CMSS1: variants seen among roughly 807,000 people sequenced by gnomAD.
The protein encoded by CMSS1 is cms1 ribosomal small subunit homolog.
CMSS1 carries 33 observed loss-of-function variants against 43.5 expected under a neutral mutation model. That is an observed-to-expected ratio of 0.76 (90% CI 0.57 to 1.01). The LOEUF is 1.01. Among genes scored for constraint, CMSS1 ranks in the 50% least tolerant of loss-of-function variants. The pLI, the probability that CMSS1 is intolerant of heterozygous loss-of-function variation, is 0.00. For missense variants in CMSS1, 313 were observed against 326.4 expected, an observed-to-expected ratio of 0.96 and a Z score of 0.32; for synonymous variants, 115 against 117.2, an observed-to-expected ratio of 0.98 and a Z score of 0.12.
At chr3:99,985,733 C>T (rs1461739416) in intron 1 of CMSS1, among the ~76,000 whole-genome samples, 1 of 152,004 alleles carries the variant, frequency 6.6e-6, no homozygotes, top group Non-Finnish European at 1.5e-5. Context: ...GGATTACAGG[C>T]ACCTGCTACC....
intron 1 of CMSS1, chr3:99,851,030 C>T (rs1210087446): frequency 6.2e-7 from 1 of 1,605,916 alleles, no homozygotes; most frequent in Non-Finnish European, 8.5e-7. Context: ...TGCTCCTTCT[C>T]CTCCTGAGAC....
chr3:99,872,377 T>C (rs1411860045), intron 1 of CMSS1, among the ~76,000 whole-genome samples: 3 of 151,144 alleles, frequency 2.0e-5, no homozygotes, highest in African/African-American at 7.3e-5. Context: ...CTTATCAAGG[T>C]ACTTCTCAAA....
intron 1 of CMSS1, among the ~76,000 whole-genome samples, chr3:99,945,521 G>A (rs1053289868): frequency 6.6e-6 from 1 of 152,180 alleles, no homozygotes; most frequent in African/African-American, 2.4e-5. Context: ...ATAAATGGAT[G>A]TCAGAAGCTT....
intron 1 of CMSS1, among the ~76,000 whole-genome samples, chr3:100,122,474 A>G (rs1044921116): frequency 6.6e-6 from 1 of 152,218 alleles, no homozygotes; most frequent in Non-Finnish European, 1.5e-5. Context: ...GCCACATGGC[A>G]AAGTGACAAG....
intron 1 of CMSS1, among the ~76,000 whole-genome samples, chr3:100,048,892 T>C (rs947760452): frequency 5.4e-4 from 83 of 152,360 alleles, no homozygotes; most frequent in African/African-American, 1.9e-3. Flanking sequence ...CTAGACTGAT[T>C]GCTTAAATAT....
At chr3:99,983,771 T>C (rs1709245261) in intron 1 of CMSS1, among the ~76,000 whole-genome samples, 1 of 150,646 alleles carries the variant, frequency 6.6e-6, no homozygotes. Context: ...CAATATTCCA[T>C]GTAACTCTAC....
At chr3:100,159,047 A>G (rs1032954393) in intron 2 of CMSS1, among the ~76,000 whole-genome samples, 1 of 151,964 alleles carries the variant, frequency 6.6e-6, no homozygotes. Flanking sequence ...TTGTAATTGG[A>G]CTCTTATGGC....
chr3:100,088,860 CT>C (rs972098130), intron 1 of CMSS1, among the ~76,000 whole-genome samples: 2 of 151,766 alleles, frequency 1.3e-5, no homozygotes, highest in Admixed American at 6.6e-5. Context: ...ATTTAGTGAG[CT>C]TTTTTTTCCT....
At chr3:100,024,900 C>T (rs2064890928) in intron 1 of CMSS1, among the ~76,000 whole-genome samples, 2 of 152,250 alleles carry the variant, frequency 1.3e-5, no homozygotes, top group Non-Finnish European at 2.9e-5. Context: ...TATCAGGGCA[C>T]CAGAGCAGGA....
chr3:100,124,929 C>T (rs2066651782), intron 1 of CMSS1, among the ~76,000 whole-genome samples: 1 of 152,078 alleles, frequency 6.6e-6, no homozygotes, highest in Non-Finnish European at 1.5e-5. Flanking sequence ...TCATCCCCAC[C>T]AGCCATTCCT....
Position 100,177,548 on chromosome 3 carries a change from A to G in CMSS1, c.757-757A>G, listed in dbSNP as rs535740167. On this transcript the variant is annotated intron_variant, in intron 9 of 9. Coordinates refer to ENST00000421999, the MANE Select transcript of CMSS1 (RefSeq NM_032359.4). ...ATAAAATCCTATACTGAACTATTGT[A>G]TATAATCTTGTTTACAGAAAGCACA... 3.3e-5 allele frequency among the ~76,000 whole-genome samples: 5 copies of G among 152,362 alleles called. No homozygotes were observed. The South Asian group carries it at 1.0e-3, about 32-fold the overall frequency.
At chr3:100,167,121 A>C (rs1236278511) in intron 5 of CMSS1, among the ~76,000 whole-genome samples, 1 of 152,192 alleles carries the variant, frequency 6.6e-6, no homozygotes, top group East Asian at 1.9e-4. Context: ...CATGGCCAGC[A>C]ATGAAATAGT....
rs1475879250 is a variant in CMSS1 at position 100,062,113 on chromosome 3, T to C, written c.65-84860T>C. ...TTCTTCTTTTTTTTTTTTTTTTTTT[T>C]TTTTTTTTTTTTTTTTGAGACGGAG... On this transcript the variant is annotated intron_variant, in intron 1 of 9. Transcript: ENST00000421999. Among the ~76,000 whole-genome samples, 554 of 89,732 alleles carry C rather than the reference T, an allele frequency of 6.2e-3. 14 individuals carry two copies. Among genetic ancestry groups the C allele is most frequent in the African/African-American group, 0.021 (538 of 25,526 alleles). The allele number at this position is 89,732 out of a possible 152,430, so 58.9% of individuals were successfully genotyped here.
chr3:100,062,460 T>C (rs1256194901), intron 1 of CMSS1, among the ~76,000 whole-genome samples: 1 of 152,106 alleles, frequency 6.6e-6, no homozygotes, highest in Non-Finnish European at 1.5e-5. Flanking sequence ...AGCCTTAACT[T>C]CATTACTTCT....
chr3:100,172,087 A>T (rs751087219), intron 7 of CMSS1, 188 bp downstream of exon 7: 1 of 634,074 alleles, frequency 1.6e-6, no homozygotes, highest in Non-Finnish European at 2.8e-6. Context: ...GGCAGTCGCT[A>T]CTGCCATGCT....
chr3:99,956,280 T>C (rs1237870632), intron 1 of CMSS1, among the ~76,000 whole-genome samples: 3 of 152,166 alleles, frequency 2.0e-5, no homozygotes, highest in African/African-American at 7.2e-5. Flanking sequence ...CCTCTTCACA[T>C]CTTTACACAT....
Position 99,849,148 on chromosome 3 carries a change from G to T in CMSS1, c.64+31105G>T, listed in dbSNP as rs1418568104. 1.9e-6 allele frequency: 3 copies of T among 1,614,172 alleles called. No individual in the cohort carries two copies. The Admixed American group carries it at 5.0e-5, about 27-fold the overall frequency. On this transcript the variant is annotated intron_variant, in intron 1 of 9. Coordinates refer to ENST00000421999, the MANE Select transcript of CMSS1 (RefSeq NM_032359.4). ...CTGGCTGCATTTGAAGGACAGCACA[G>T]ATCCCTCATCATTAGGGTCCTCGTC...
At chr3:99,998,212 A>C (rs989032533) in intron 1 of CMSS1, among the ~76,000 whole-genome samples, 6 of 152,216 alleles carry the variant, frequency 3.9e-5, no homozygotes, top group African/African-American at 1.4e-4. Context: ...GCACCAACCT[A>C]ATACTTAGTT....
intron 1 of CMSS1, among the ~76,000 whole-genome samples, chr3:99,857,631 GT>G (rs1428851802): frequency 6.6e-6 from 1 of 152,196 alleles, no homozygotes; most frequent in African/African-American, 2.4e-5. Flanking sequence ...TTCACAGATT[GT>G]TTTGCAGTTT....
Sources: gnomAD v4.1 joint callset for allele counts (sites outside exome capture counted in the v4.1 genomes callset) on GRCh38, gnomAD v4.1.1 for gene constraint, MANE v1.5 for transcripts, NCBI Gene and HGNC (gene_info 2026-07-23, HGNC 2026-07-21) for gene names.